Variants in RIMS2 observed in about 807,000 individuals in gnomAD.
The protein encoded by RIMS2 is regulating synaptic membrane exocytosis protein 2.
Under a neutral mutation model 174.4 loss-of-function variants are expected in RIMS2, and 59 were observed. That is an observed-to-expected ratio of 0.34 (90% CI 0.27 to 0.42). The LOEUF (loss-of-function observed/expected upper bound fraction) is 0.42, where lower values mean the gene tolerates loss of function less well. RIMS2 is among the 10% of genes least tolerant of loss of function. The probability of loss-of-function intolerance (pLI) is 1.00; values close to 1 mark genes in which losing one functional copy is unlikely to be tolerated. For synonymous variants in RIMS2, 606 were observed against 572.5 expected (o/e 1.06, Z -0.84); for missense variants, 1,620 against 1,666.3 (o/e 0.97, Z 0.48).
intron 2 of RIMS2, among the ~76,000 whole-genome samples, chr8:103,728,059 G>T (rs890767540): frequency 1.3e-5 from 2 of 151,790 alleles, no homozygotes; most frequent in Non-Finnish European, 2.9e-5. Flanking sequence ...TGATTTTTCC[G>T]GTCCATGAAC....
At position 103,864,616 on chromosome 8, in the gene RIMS2, A is replaced by G. The variant is rs2099075853; in HGVS notation, c.699-20682A>G. ...TTATGACCTGACACATGGTAAAAAA[A>G]TAAAATGGTTTTCATTATTGAGCAC... On this transcript the variant is annotated intron_variant, in intron 3 of 23. Transcript: ENST00000504942. Among the ~76,000 whole-genome samples the G allele has an allele frequency of 3.9e-5, 6 of 152,236 alleles. No individual in the cohort carries two copies. The South Asian group carries it at 1.2e-3, about 32-fold the overall frequency.
intron 19 of RIMS2, among the ~76,000 whole-genome samples, chr8:104,183,545 A>C (rs2098951728): frequency 6.6e-6 from 1 of 151,404 alleles, no homozygotes; most frequent in African/African-American, 2.4e-5. Flanking sequence ...ATAATGCAGA[A>C]GTTCCAGAAT....
intron 19 of RIMS2, among the ~76,000 whole-genome samples, chr8:104,104,353 T>C (rs1238800328): frequency 6.6e-6 from 1 of 152,158 alleles, no homozygotes; most frequent in Non-Finnish European, 1.5e-5. Context: ...TCACTAGCAC[T>C]GAGATAGGTA....
rs545171866 is a variant in RIMS2 at position 104,246,892 on chromosome 8, G to A, written c.3477-1809G>A. ...GCAGCTTATGTAGACTTTATGTATTGTAAGGACTTTGCTTTTACTGAGTGG... is the reference window on the plus strand; with the variant it reads ...GCAGCTTATGTAGACTTTATGTATTATAAGGACTTTGCTTTTACTGAGTGG... On this transcript the variant is annotated intron_variant, in intron 20 of 23. Coordinates refer to ENST00000504942, the Ensembl canonical transcript of RIMS2. 8.6e-4 allele frequency among the ~76,000 whole-genome samples: 131 copies of A among 152,232 alleles called. 1 individual carries two copies. In the Middle Eastern group the frequency reaches 0.01, roughly 12 times the overall value.
At chr8:103,726,312 A>G (rs1018124702) in intron 2 of RIMS2, among the ~76,000 whole-genome samples, 4 of 152,168 alleles carry the variant, frequency 2.6e-5, no homozygotes, top group African/African-American at 9.7e-5. Context: ...AGGATTGAGA[A>G]TATCTTCTCT....
At chr8:104,029,705 G>A (rs927880793) in intron 19 of RIMS2, among the ~76,000 whole-genome samples, 1 of 152,026 alleles carries the variant, frequency 6.6e-6, no homozygotes, top group African/African-American at 2.4e-5. Context: ...CTTCTTCTGT[G>A]TACTCAATCT....
chr8:104,169,759 T>C (rs2098821379), intron 19 of RIMS2, among the ~76,000 whole-genome samples: 1 of 152,080 alleles, frequency 6.6e-6, no homozygotes, highest in East Asian at 1.9e-4. Flanking sequence ...CCTTGAGGTG[T>C]GACATTAGGT....
intron 2 of RIMS2, among the ~76,000 whole-genome samples, chr8:103,740,625 G>A (rs923889833): frequency 3.3e-5 from 5 of 152,172 alleles, no homozygotes; most frequent in East Asian, 1.9e-4. Context: ...ATTTAATTTC[G>A]AATAACCTGT....
At chr8:103,919,449 G>A (rs1032768129) in intron 9 of RIMS2, among the ~76,000 whole-genome samples, 1 of 151,854 alleles carries the variant, frequency 6.6e-6, no homozygotes, top group Non-Finnish European at 1.5e-5. Context: ...TTACTTTCAG[G>A]AAAATTGGGA....
intron 1 of RIMS2, among the ~76,000 whole-genome samples, chr8:103,688,991 T>C (rs2096977897): frequency 6.6e-6 from 1 of 152,056 alleles, no homozygotes; most frequent in Non-Finnish European, 1.5e-5. Flanking sequence ...CCATTTATTG[T>C]TATAATTGTC....
intron 3 of RIMS2, among the ~76,000 whole-genome samples, chr8:103,783,798 G>C (rs953145525): frequency 6.7e-6 from 1 of 150,326 alleles, no homozygotes; most frequent in Non-Finnish European, 1.5e-5. Flanking sequence ...TGGGATGGCT[G>C]GGTCAAATGG....
At chr8:104,174,501 A>G (rs1306657864) in intron 19 of RIMS2, among the ~76,000 whole-genome samples, 1 of 152,170 alleles carries the variant, frequency 6.6e-6, no homozygotes, top group Non-Finnish European at 1.5e-5. Context: ...AAAATGCATT[A>G]TTTCTTAAGC....
intron 1 of RIMS2, among the ~76,000 whole-genome samples, chr8:103,565,378 C>T (rs545832688): frequency 1.3e-5 from 2 of 152,118 alleles, no homozygotes; most frequent in South Asian, 2.1e-4. Flanking sequence ...CATCTCAGCT[C>T]ACTGCAAGCT....
chr8:103,507,479 G>A (rs924466401), intron 1 of RIMS2, among the ~76,000 whole-genome samples: 2 of 151,932 alleles, frequency 1.3e-5, no homozygotes, highest in African/African-American at 4.8e-5. Context: ...GTGAATGAAC[G>A]CACATTGGGA....
chr8:103,760,110 A>AT (rs1477547215), intron 2 of RIMS2, among the ~76,000 whole-genome samples: 1 of 152,186 alleles, frequency 6.6e-6, no homozygotes, highest in African/African-American at 2.4e-5. Flanking sequence ...TTGTGAGTAA[A>AT]TTTTTCAAAG....
At chr8:104,016,573 A>G (rs1183169679) in intron 19 of RIMS2, among the ~76,000 whole-genome samples, 1 of 151,970 alleles carries the variant, frequency 6.6e-6, no homozygotes, top group African/African-American at 2.4e-5. Flanking sequence ...GTTCTTAATT[A>G]TTTGCTTAAA....
intron 4 of RIMS2, among the ~76,000 whole-genome samples, chr8:103,899,619 G>A (rs907609421): frequency 5.3e-5 from 8 of 151,500 alleles, no homozygotes. Flanking sequence ...CTGGATATTA[G>A]CCCTTTGTCG....
chr8:104,224,158 A>T (rs537395009), intron 19 of RIMS2, among the ~76,000 whole-genome samples: 1 of 152,376 alleles, frequency 6.6e-6, no homozygotes, highest in South Asian at 2.1e-4. Flanking sequence ...CCTGGAGGAC[A>T]GAAATACTTG....
intron 19 of RIMS2, among the ~76,000 whole-genome samples, chr8:104,090,652 T>G (rs2097637047): frequency 6.6e-6 from 1 of 151,808 alleles, no homozygotes; most frequent in African/African-American, 2.4e-5. Flanking sequence ...GATAAAGATA[T>G]TATTCATCCT....
Sources: allele counts gnomAD v4.1 joint callset (sites outside exome capture counted in the v4.1 genomes callset), GRCh38; gene constraint gnomAD v4.1.1; transcripts MANE v1.5; gene names NCBI Gene and HGNC (gene_info 2026-07-23, HGNC 2026-07-21).